The following RBFOX1 variants were observed in gnomAD, a reference collection of about 807,000 sequenced individuals.
RBFOX1 encodes RNA binding protein fox-1 homolog 1.
Under a neutral mutation model 57.7 loss-of-function variants are expected in RBFOX1, and 8 were observed. The observed-to-expected ratio is 0.14, with a 90% CI of 0.08 to 0.25. The LOEUF (loss-of-function observed/expected upper bound fraction) is 0.25. RBFOX1 is among the 10% of genes least tolerant of loss of function. RBFOX1 has a pLI of 1.00. For synonymous variants in RBFOX1, 326 were observed against 222.4 expected, an observed-to-expected ratio of 1.47 and a Z score of -4.15; for missense variants, 611 against 548.5, an observed-to-expected ratio of 1.11 and a Z score of -1.14.
chr16:6,267,817 C>G (rs545883903), intron 1 of RBFOX1, among the ~76,000 whole-genome samples: 3 of 152,144 alleles, frequency 2.0e-5, no homozygotes, highest in Non-Finnish European at 4.4e-5. Context: ...CTGAAACCCA[C>G]AGGTTGGACA....
At chr16:5,589,490 G>C (rs2046937750) in intron 2 of RBFOX1, among the ~76,000 whole-genome samples, 1 of 152,172 alleles carries the variant, frequency 6.6e-6, no homozygotes, top group Non-Finnish European at 1.5e-5. Flanking sequence ...AAGAAACTCA[G>C]AGGATAGAAG....
At chr16:6,668,107 C>A (rs1453220618) in intron 3 of RBFOX1, among the ~76,000 whole-genome samples, 1 of 152,092 alleles carries the variant, frequency 6.6e-6, no homozygotes, top group East Asian at 1.9e-4. Context: ...TTTTGTGTAT[C>A]CTGTAGCTAC....
intron 2 of RBFOX1, among the ~76,000 whole-genome samples, chr16:6,397,195 A>G (rs2092875334): frequency 6.6e-6 from 1 of 152,226 alleles, no homozygotes; most frequent in Non-Finnish European, 1.5e-5. Context: ...AACTTCAAGC[A>G]AGCAAAATAT....
intron 4 of RBFOX1, among the ~76,000 whole-genome samples, chr16:7,071,656 T>C (rs942947623): frequency 1.3e-5 from 2 of 151,604 alleles, no homozygotes; most frequent in Admixed American, 1.3e-4. Context: ...TATACATACA[T>C]ACATACATAC....
chr16:7,145,680 A>T (rs1351541390), intron 4 of RBFOX1, among the ~76,000 whole-genome samples: 4 of 152,138 alleles, frequency 2.6e-5, no homozygotes, highest in Non-Finnish European at 1.5e-5. Context: ...TGTTTCATTT[A>T]GATACTGATA....
intron 4 of RBFOX1, among the ~76,000 whole-genome samples, chr16:7,172,993 A>G (rs1192399407): frequency 6.6e-6 from 1 of 152,186 alleles, no homozygotes; most frequent in African/African-American, 2.4e-5. Flanking sequence ...ATTGCAAAAC[A>G]AAGAAAAACT....
intron 1 of RBFOX1, among the ~76,000 whole-genome samples, chr16:5,241,929 C>T (rs558683774): frequency 6.7e-5 from 10 of 150,338 alleles, no homozygotes; most frequent in African/African-American, 2.2e-4. Context: ...GGTGAAGCCT[C>T]GCATCTACCA....
At chr16:7,664,267 T>C (rs2068591278) in intron 12 of RBFOX1, among the ~76,000 whole-genome samples, 1 of 152,236 alleles carries the variant, frequency 6.6e-6, no homozygotes, top group African/African-American at 2.4e-5. Context: ...AATGCACTTG[T>C]ACACATGAAG....
In RBFOX1 at chr16:5,665,135, G is replaced by GT. The variant is rs1042058995; in HGVS notation, c.318+66174_318+66175insT. 2.8e-5 allele frequency among the ~76,000 whole-genome samples: 4 copies of GT among 142,340 alleles called. 1 individual carries two copies. Among genetic ancestry groups the GT allele is most frequent in the South Asian group, 5.0e-4 (2 of 4,026 alleles). 93.4% of individuals were successfully genotyped at this position (142,340 alleles called of 152,430 possible). A position where few individuals can be genotyped will look rare whatever the true frequency, so the allele number is the denominator to read the frequency against. ...TAACTTTTTGATATTTTTACATGGGGGGGGGCGGTCTTGCTATATTGCCCA... is the reference window on the plus strand; with the variant it reads ...TAACTTTTTGATATTTTTACATGGGGTGGGGGCGGTCTTGCTATATTGCCCA... On this transcript the variant is annotated intron_variant, in intron 3 of 19. Transcript: ENST00000641259.
chr16:7,347,528 T>C (rs967670852), intron 4 of RBFOX1, among the ~76,000 whole-genome samples: 6 of 152,038 alleles, frequency 3.9e-5, no homozygotes, highest in Admixed American at 1.3e-4. Context: ...CAATTCAAGA[T>C]GAGACTTGGG....
intron 1 of RBFOX1, among the ~76,000 whole-genome samples, chr16:5,403,491 T>G (rs2151444116): frequency 6.6e-6 from 1 of 152,286 alleles, no homozygotes; most frequent in South Asian, 2.1e-4. Flanking sequence ...CTGCCCAGGC[T>G]GGAGTGCAGT....
chr16:6,710,482 G>C (rs1158243665), intron 3 of RBFOX1, among the ~76,000 whole-genome samples: 1 of 152,100 alleles, frequency 6.6e-6, no homozygotes, highest in Non-Finnish European at 1.5e-5. Flanking sequence ...TGCTGACAGT[G>C]CACCTCCATT....
intron 4 of RBFOX1, among the ~76,000 whole-genome samples, chr16:7,378,969 C>T (rs1186192874): frequency 6.6e-6 from 1 of 152,216 alleles, no homozygotes; most frequent in African/African-American, 2.4e-5. Flanking sequence ...CCACCACTGA[C>T]ATTTAGAATC....
At chr16:7,246,970 C>T (rs2094327536) in intron 4 of RBFOX1, among the ~76,000 whole-genome samples, 1 of 151,978 alleles carries the variant, frequency 6.6e-6, no homozygotes, top group Non-Finnish European at 1.5e-5. Flanking sequence ...ATTAGGATAC[C>T]CTATGTATTC....
chr16:5,967,461 T>C (rs1337704194), intron 4 of RBFOX1, among the ~76,000 whole-genome samples: 1 of 152,216 alleles, frequency 6.6e-6, no homozygotes, highest in Non-Finnish European at 1.5e-5. Flanking sequence ...CCCTGATTTC[T>C]TTTAGTGAGA....
intron 3 of RBFOX1, among the ~76,000 whole-genome samples, chr16:6,926,182 C>T (rs192318954): frequency 6.6e-6 from 1 of 152,154 alleles, no homozygotes; most frequent in African/African-American, 2.4e-5. Context: ...TGGTGTGCAT[C>T]TGTAATCTCA....
intron 6 of RBFOX1, among the ~76,000 whole-genome samples, chr16:7,580,723 A>C (rs2093694829): frequency 6.6e-6 from 1 of 152,172 alleles, no homozygotes; most frequent in South Asian, 2.1e-4. Context: ...GGAAGACATG[A>C]GTTTGCCATT....
chr16:5,735,807 C>T (rs951422842), intron 3 of RBFOX1, among the ~76,000 whole-genome samples: 4 of 151,992 alleles, frequency 2.6e-5, no homozygotes, highest in Non-Finnish European at 5.9e-5. Flanking sequence ...ACTCGGGAGG[C>T]GGAGGTTGCA....
chr16:7,368,004 T>G (rs183664074), intron 4 of RBFOX1, among the ~76,000 whole-genome samples: 1 of 152,122 alleles, frequency 6.6e-6, no homozygotes, highest in Non-Finnish European at 1.5e-5. Flanking sequence ...TGGTGTCTTA[T>G]GCCTGTAATC....
Sources: allele counts gnomAD v4.1 joint callset (sites outside exome capture counted in the v4.1 genomes callset), GRCh38; gene constraint gnomAD v4.1.1; transcripts MANE v1.5; gene names NCBI Gene and HGNC (gene_info 2026-07-23, HGNC 2026-07-21).